Variants in LPA observed in about 807,000 individuals in gnomAD.
LPA encodes apolipoprotein(a).
In LPA, 199 loss-of-function variants were observed where a neutral mutation model predicts 197.9. The observed-to-expected ratio is 1.01, with a 90% confidence interval of 0.90 to 1.13. LPA has a LOEUF of 1.13. Ranked by LOEUF, LPA falls within the 50% of genes most tolerant of loss-of-function variation. LPA has a pLI of 0.00. For missense variants in LPA, 1,853 were observed against 1,785.8 expected (o/e 1.04, Z -0.68); for synonymous variants, 715 against 639.5 (o/e 1.12, Z -1.78).
At chr6:160,581,015 C>T (rs1255612470) in intron 26 of LPA, among the ~76,000 whole-genome samples, 1 of 151,410 alleles carries the variant, frequency 6.6e-6, no homozygotes, top group East Asian at 1.9e-4. Context: ...TATACTTTTT[C>T]ATAGCAGTCT....
rs780229182 is a variant in LPA, at chr6:160,611,680, C to G, written c.2485G>C (p.Gly829Arg). ...QRPGVQECYH[G>R]NGQSYRGTYS... ...GTGCCTCGATAACTCTGTCCATTAC[C>G]GTGGTAGCACTCCTGCACCCCAGGC... Residue 829 changes from glycine to arginine, a missense_variant, in exon 16 of 39, where the codon GGT becomes CGT. Gly to Arg is a moderately radical substitution (Grantham distance 125). Transcript: ENST00000316300. 1.9e-6 allele frequency: 3 copies of G among 1,548,734 alleles called. No individual in the cohort carries two copies. The highest frequency in any genetic ancestry group is 1.4e-5 in the African/African-American group (1 of 70,700).
At chr6:160,647,921 T>C (rs1779930923) in intron 2 of LPA, among the ~76,000 whole-genome samples, 1 of 152,262 alleles carries the variant, frequency 6.6e-6, no homozygotes, top group African/African-American at 2.4e-5. Flanking sequence ...TTCTTCATTA[T>C]ATAGGCTGCA....
chr6:160,587,700 T>G (rs1023438341), intron 24 of LPA, among the ~76,000 whole-genome samples: 3 of 152,008 alleles, frequency 2.0e-5, no homozygotes, highest in Non-Finnish European at 4.4e-5. Flanking sequence ...ATTAAATGTG[T>G]GGATTTTTCC....
chr6:160,600,301 A>T (rs1779213210), intron 19 of LPA, among the ~76,000 whole-genome samples: 1 of 152,154 alleles, frequency 6.6e-6, no homozygotes, highest in African/African-American at 2.4e-5. Flanking sequence ...CTTTTTCTCC[A>T]GACCCCCCGC....
At chr6:160,588,860 A>G (rs1348076765) in intron 24 of LPA, among the ~76,000 whole-genome samples, 1 of 152,146 alleles carries the variant, frequency 6.6e-6, no homozygotes, top group African/African-American at 2.4e-5. Context: ...CAGTTCTCTC[A>G]AGCCTACCAT....
Position 160,586,541 on chromosome 6 carries a change from C to T in LPA, c.4037G>A (p.Cys1346Tyr), listed in dbSNP as rs750127931. Reference protein sequence around the residue: ...TMDPSVRWEYCNLTQCPVMES... With the variant: ...TMDPSVRWEYYNLTQCPVMES... ...CATCACTGGACATTGCGTCAGGTTG[C>T]AGTACTCCCATCTGACACTGGGATC... is the stretch of plus-strand genomic sequence containing the variant. Residue 1346 changes from cysteine to tyrosine, a missense_variant, in exon 25 of 39, where the codon TGC (cysteine) becomes TAC (tyrosine). Coordinates refer to ENST00000316300, the MANE Select transcript of LPA (RefSeq NM_005577.4). 1.2e-6 allele frequency: 2 copies of T among 1,613,760 alleles called. No individual in the cohort carries two copies. The highest frequency in any genetic ancestry group is 8.5e-7 in the Non-Finnish European group (1 of 1,179,780).
At chr6:160,648,835 A>G (rs562304758) in intron 2 of LPA, among the ~76,000 whole-genome samples, 3 of 152,268 alleles carry the variant, frequency 2.0e-5, no homozygotes, top group Admixed American at 6.5e-5. Flanking sequence ...CTAGAACTCA[A>G]TTATTATATA....
intron 28 of LPA, among the ~76,000 whole-genome samples, chr6:160,571,482 C>A (rs1407095845): frequency 6.6e-6 from 1 of 152,166 alleles, no homozygotes; most frequent in African/African-American, 2.4e-5. Flanking sequence ...ACAGCCACCC[C>A]TTCCTCCAGT....
intron 2 of LPA, among the ~76,000 whole-genome samples, chr6:160,647,550 A>T (rs1362214083): frequency 1.3e-5 from 2 of 152,082 alleles, no homozygotes; most frequent in African/African-American, 2.4e-5. Context: ...CTCTTTAAAG[A>T]CTTTTTTTTC....
At position 160,549,313 on chromosome 6, in the gene LPA, T is replaced by C. The variant is rs549112313; in HGVS notation, c.4974-654A>G. On this transcript the variant is annotated intron_variant, in intron 30 of 38. Transcript: ENST00000316300. ...TAAAAACTGAGATCATACATAAATG[T>C]GCAAAAGAAAGGAACCAGAATACCC... 5.9e-5 allele frequency among the ~76,000 whole-genome samples: 9 copies of C among 152,300 alleles called. No homozygotes were observed. In the South Asian group the frequency reaches 1.9e-3, roughly 32 times the overall value.
intron 25 of LPA, 142 bp downstream of exon 25, chr6:160,586,307 C>G (rs1203024592): frequency 1.5e-4 from 148 of 962,956 alleles, no homozygotes; most frequent in Non-Finnish European, 3.3e-5. Flanking sequence ...AGAGAAGGCA[C>G]TGAAGCTTCC....
intron 28 of LPA, among the ~76,000 whole-genome samples, chr6:160,559,549 G>C (rs1193663720): frequency 6.6e-6 from 1 of 152,164 alleles, no homozygotes; most frequent in Admixed American, 6.5e-5. Context: ...TTGCAGGTTT[G>C]TAAGATAGAG....
intron 1 of LPA, among the ~76,000 whole-genome samples, chr6:160,654,005 A>ATATATAT (rs1780066382): frequency 0.01 from 50 of 4,778 alleles, 4 homozygotes; most frequent in African/African-American, 0.026. Context: ...ATTATATATA[A>ATATATAT]TATATATTAT....
chr6:160,565,380 G>T (rs1204958173), intron 28 of LPA, among the ~76,000 whole-genome samples: 1 of 152,172 alleles, frequency 6.6e-6, no homozygotes, highest in Non-Finnish European at 1.5e-5. Context: ...TTGCTGTTCT[G>T]CAGCCTCCAC....
chr6:160,647,023 T>C (rs867690225), intron 2 of LPA, among the ~76,000 whole-genome samples: 1 of 152,166 alleles, frequency 6.6e-6, no homozygotes, highest in African/African-American at 2.4e-5. Context: ...GTCAAGTAGG[T>C]TTGTTTCTGC....
Position 160,532,620 on chromosome 6 carries a change from C to A in LPA, c.5872G>T (p.Ala1958Ser), listed in dbSNP as rs751378440. The A allele has an allele frequency of 1.9e-6, 3 of 1,612,428 alleles. No individual in the cohort carries two copies. The highest frequency in any genetic ancestry group is 1.6e-4 in the Middle Eastern group (1 of 6,062). The change falls in exon 38 of 39, where the codon GCC (alanine) becomes TCC (serine). Residue 1958 changes from alanine to serine, a missense_variant. Transcript: ENST00000316300. ...GTFGTGLLKEAQLLVIENEVC... is the reference protein window; with the variant it reads ...GTFGTGLLKESQLLVIENEVC... ...TCATTCTCAATAACAAGGAGCTGGG[C>A]TTCCTTGAGAAGGCCAGTCCCAAAG...
chr6:160,584,237 T>C (rs201627765), intron 26 of LPA, among the ~76,000 whole-genome samples: 3,193 of 68,388 alleles, frequency 0.047, 56 homozygotes, highest in Middle Eastern at 0.14. Context: ...CTTCTTCTTC[T>C]TCCTCCTCCT....
In LPA at chr6:160,635,249, A is replaced by G; in HGVS notation, c.949T>C (p.Tyr317His). The G allele has an allele frequency of 7.9e-7, 1 of 1,266,660 alleles. No individual in the cohort carries two copies. The highest frequency in any genetic ancestry group is 1.1e-6 in the Non-Finnish European group (1 of 906,744). 78.5% of individuals were successfully genotyped at this position (1,266,660 alleles called of 1,614,324 possible). A position where few individuals can be genotyped will look rare whatever the true frequency, so the allele number is the denominator to read the frequency against. Residue 317 changes from tyrosine to histidine, a missense_variant, in exon 7 of 39, where the codon TAT becomes CAT. This residue lies in a region of LPA where 28 missense variants were observed against 198.4 expected (regional missense o/e 0.14). Coordinates refer to ENST00000316300, the MANE Select transcript of LPA (RefSeq NM_005577.4). ...CACCTGACACCGGGATCCCTCGTATAACAATAAGGAGCTGCCACAGCATCT... is the reference window on the plus strand; with the variant it reads ...CACCTGACACCGGGATCCCTCGTATGACAATAAGGAGCTGCCACAGCATCT... ...NPDAVAAPYC[Y>H]TRDPGVRWEY...
intron 2 of LPA, 133 bp downstream of exon 2, chr6:160,650,205 G>C: frequency 1.2e-6 from 1 of 837,670 alleles, no homozygotes; most frequent in Non-Finnish European, 2.0e-6. Flanking sequence ...TCAAAGTAAT[G>C]TTTCTCAGAC....
Sources: gnomAD v4.1 joint callset for allele counts (sites outside exome capture counted in the v4.1 genomes callset) on GRCh38, gnomAD v4.1.1 for gene constraint, gnomAD v4.1.1 regional missense constraint, MANE v1.5 for transcripts, NCBI Gene and HGNC (gene_info 2026-07-23, HGNC 2026-07-21) for gene names.